RICTOR: variants seen among roughly 807,000 people sequenced by gnomAD.
RICTOR encodes rapamycin-insensitive companion of mTOR.
In RICTOR, 49 loss-of-function variants were observed where a neutral mutation model predicts 214.9. The ratio of observed to expected loss-of-function variants is 0.23; its 90% CI spans 0.18 to 0.29. The LOEUF is 0.29. RICTOR is among the 10% of genes least tolerant of loss of function. The probability of loss-of-function intolerance (pLI) is 1.00; values close to 1 mark genes in which losing one functional copy is unlikely to be tolerated. For missense variants in RICTOR, 1,625 were observed against 2,047.0 expected (o/e 0.79, Z 3.98); for synonymous variants, 717 against 711.3 (o/e 1.01, Z -0.13).
chr5:39,073,143 C>T (rs943802908), intron 2 of RICTOR, among the ~76,000 whole-genome samples: 1 of 152,130 alleles, frequency 6.6e-6, no homozygotes, highest in African/African-American at 2.4e-5. Context: ...TTTTTGTTTA[C>T]TTCCTAAGGT....
chr5:38,994,807 T>C (rs1580045318), intron 6 of RICTOR, among the ~76,000 whole-genome samples: 1 of 152,226 alleles, frequency 6.6e-6, no homozygotes, highest in Admixed American at 6.5e-5. Flanking sequence ...ATATCCAAAA[T>C]TGAATTTAAT....
intron 10 of RICTOR, among the ~76,000 whole-genome samples, chr5:38,974,839 G>C (rs1751077088): frequency 6.6e-6 from 1 of 152,140 alleles, no homozygotes; most frequent in South Asian, 2.1e-4. Flanking sequence ...TTTTAAGTTA[G>C]GGTTACCTAG....
At chr5:38,954,494 G>C (rs1265856619) in intron 27 of RICTOR, among the ~76,000 whole-genome samples, 1 of 151,838 alleles carries the variant, frequency 6.6e-6, no homozygotes, top group Non-Finnish European at 1.5e-5. Context: ...TCTAAAAAAA[G>C]AACTCAGATC....
At chr5:39,026,132 T>A (rs1755804763) in intron 2 of RICTOR, among the ~76,000 whole-genome samples, 1 of 152,170 alleles carries the variant, frequency 6.6e-6, no homozygotes, top group Non-Finnish European at 1.5e-5. Context: ...AGAAATAAGA[T>A]GATATTCTCT....
intron 5 of RICTOR, among the ~76,000 whole-genome samples, chr5:38,998,977 C>T (rs545509334): frequency 2.1e-5 from 3 of 141,902 alleles, no homozygotes; most frequent in South Asian, 2.2e-4. Context: ...GATTGCGCCA[C>T]TGCACTCCAG....
At chr5:39,002,783 T>C (rs1326606193) in intron 4 of RICTOR, 117 bp from the exon 5 acceptor site, 5 of 954,180 alleles carry the variant, frequency 5.2e-6, no homozygotes, top group Non-Finnish European at 7.8e-6. Flanking sequence ...ATGCACAGAA[T>C]TCTAAGAGCA....
intron 3 of RICTOR, among the ~76,000 whole-genome samples, chr5:39,020,338 G>A (rs115803423): frequency 6.6e-6 from 1 of 152,124 alleles, no homozygotes; most frequent in Non-Finnish European, 1.5e-5. Context: ...GTGACAGGAA[G>A]AGTCAATGCG....
At chr5:39,006,832 G>T (rs1376685422) in intron 3 of RICTOR, among the ~76,000 whole-genome samples, 1 of 151,392 alleles carries the variant, frequency 6.6e-6, no homozygotes, top group Non-Finnish European at 1.5e-5. Context: ...GACTAGAATA[G>T]CTGCTATCAG....
chr5:39,030,897 TGCCCTGTGAA>T, intron 2 of RICTOR, among the ~76,000 whole-genome samples: 1 of 152,122 alleles, frequency 6.6e-6, no homozygotes, highest in East Asian at 1.9e-4. Flanking sequence ...CCCTTCCAAT[TGCCCTGTGAA>T]GCAAAACACC....
intron 36 of RICTOR, chr5:38,944,201 A>C (rs1488572439): frequency 1.7e-6 from 1 of 574,196 alleles, no homozygotes; most frequent in South Asian, 1.5e-5. Context: ...TTTTTTGCAG[A>C]TCTCTTCAAA....
intron 16 of RICTOR, among the ~76,000 whole-genome samples, chr5:38,963,515 T>C (rs1749967772): frequency 6.6e-6 from 1 of 151,982 alleles, no homozygotes; most frequent in South Asian, 2.1e-4. Flanking sequence ...TCTGTAACTG[T>C]AAATGGTATA....
At chr5:38,975,071 A>G (rs1220774858) in intron 10 of RICTOR, among the ~76,000 whole-genome samples, 1 of 152,232 alleles carries the variant, frequency 6.6e-6, no homozygotes, top group East Asian at 1.9e-4. Flanking sequence ...TTTAAAAACA[A>G]TACTTACTTT....
Position 38,995,242 on chromosome 5 carries a change from T to C in RICTOR, c.456+1577A>G, listed in dbSNP as rs74835406. ...GAATATTACTCAGCCATAAAAGCAA[T>C]TGAAATAATGTCTTTTGAAGCAACT... On this transcript the variant is annotated intron_variant, in intron 6 of 37. Transcript: ENST00000357387. Among the ~76,000 whole-genome samples the C allele has an allele frequency of 3.0e-3, 450 of 152,294 alleles. 3 individuals carry two copies. The highest frequency in any genetic ancestry group is 9.9e-3 in the African/African-American group (413 of 41,564).
Position 38,996,694 on chromosome 5 carries a change from TA to T in RICTOR, c.456+124del, listed in dbSNP as rs1260416333. Reference sequence around the variant, plus strand: ...GAATTTATTTAATATAAAACTTTAATAAAAATGTTTAATAAAAGTTTAGTCT... The same window carrying T: ...GAATTTATTTAATATAAAACTTTAATAAAATGTTTAATAAAAGTTTAGTCT... On this transcript the variant is annotated intron_variant, in intron 6 of 37. Coordinates refer to ENST00000357387, the MANE Select transcript of RICTOR (RefSeq NM_152756.5). 11 of 557,836 alleles carry T rather than the reference TA, an allele frequency of 2.0e-5. No individual in the cohort carries two copies. The Admixed American group carries it at 2.8e-4, about 14-fold the overall frequency. 34.6% of individuals were successfully genotyped at this position (557,836 alleles called of 1,614,324 possible). A position where few individuals can be genotyped will look rare whatever the true frequency, so the allele number is the denominator to read the frequency against.
At chr5:38,978,368 T>G (rs1309754842) in intron 9 of RICTOR, among the ~76,000 whole-genome samples, 1 of 152,172 alleles carries the variant, frequency 6.6e-6, no homozygotes, top group Non-Finnish European at 1.5e-5. Context: ...GTCTACCATA[T>G]ATTTTTGGAA....
chr5:38,953,968 T>C (rs1749018060), intron 27 of RICTOR, among the ~76,000 whole-genome samples: 1 of 151,950 alleles, frequency 6.6e-6, no homozygotes. Context: ...TATCATACTA[T>C]GTAAGTAGTA....
chr5:38,977,576 T>G (rs964594566), intron 9 of RICTOR, among the ~76,000 whole-genome samples: 2 of 148,374 alleles, frequency 1.3e-5, no homozygotes, highest in Non-Finnish European at 3.0e-5. Flanking sequence ...TGGATGTGAC[T>G]GAAGGTATGA....
intron 2 of RICTOR, among the ~76,000 whole-genome samples, chr5:39,053,449 T>C (rs1405831860): frequency 6.6e-6 from 1 of 152,182 alleles, no homozygotes; most frequent in Non-Finnish European, 1.5e-5. Context: ...GGCTCATGTA[T>C]CTGCCAACCC....
intron 2 of RICTOR, among the ~76,000 whole-genome samples, chr5:39,072,841 T>G (rs923905704): frequency 1.3e-5 from 2 of 152,212 alleles, no homozygotes; most frequent in African/African-American, 4.8e-5. Context: ...AGAAACTGTC[T>G]TGTAAAAGGA....
Sources: gnomAD v4.1 joint callset for allele counts (sites outside exome capture counted in the v4.1 genomes callset) on GRCh38, gnomAD v4.1.1 for gene constraint, MANE v1.5 for transcripts, NCBI Gene and HGNC (gene_info 2026-07-23, HGNC 2026-07-21) for gene names.